WNT5A: variants seen among roughly 807,000 people sequenced by gnomAD.
WNT5A encodes protein Wnt-5a.
In WNT5A, 9 loss-of-function variants were observed where a neutral mutation model predicts 42.1. The ratio of observed to expected loss-of-function variants is 0.21; its 90% CI spans 0.13 to 0.37. WNT5A has a LOEUF of 0.37. Ranked by LOEUF, WNT5A falls within the 10% of genes least tolerant of loss-of-function variation. The probability of loss-of-function intolerance (pLI) is 1.00; values close to 1 mark genes in which losing one functional copy is unlikely to be tolerated. For synonymous variants in WNT5A, 210 were observed against 210.0 expected, an observed-to-expected ratio of 1.00 and a Z score of 0.00; for missense variants, 426 against 534.0, an observed-to-expected ratio of 0.80 and a Z score of 1.99.
rs1337903995 is a variant in WNT5A, at chr3:55,467,130, C to T, written c.*2962G>A. ...ACTGCTTTCAAAGGGCATAGAGACACCACACATGGTCCACAGTAAATTCAA... is the reference window on the plus strand; with the variant it reads ...ACTGCTTTCAAAGGGCATAGAGACATCACACATGGTCCACAGTAAATTCAA... On this transcript the variant is annotated 3_prime_UTR_variant, in exon 5 of 5. Coordinates refer to ENST00000264634, the MANE Select transcript of WNT5A (RefSeq NM_003392.7). 1 of 152,170 alleles carries T rather than the reference C, an allele frequency of 6.6e-6. No homozygotes were observed. Among genetic ancestry groups the T allele is most frequent in the Non-Finnish European group, 1.5e-5 (1 of 68,016 alleles). The allele number at this position is 152,170 out of a possible 1,614,324, so 9.4% of individuals were successfully genotyped here.
At chr3:55,482,761 T>G (rs1382739289) in intron 1 of WNT5A, among the ~76,000 whole-genome samples, 1 of 152,056 alleles carries the variant, frequency 6.6e-6, no homozygotes, top group African/African-American at 2.4e-5. Context: ...GCTCCGGCTA[T>G]CTCCCCACCC....
chr3:55,475,488 A>C (rs1260286359), intron 3 of WNT5A, among the ~76,000 whole-genome samples: 1 of 152,194 alleles, frequency 6.6e-6, no homozygotes, highest in Non-Finnish European at 1.5e-5. Flanking sequence ...GACAATTCTA[A>C]ATCAGCTCAT....
chr3:55,481,404 G>A, intron 1 of WNT5A: 6 of 985,354 alleles, frequency 6.1e-6, no homozygotes, highest in Non-Finnish European at 6.0e-6. Context: ...GGAGCGCGCT[G>A]CCGCCAGAGG....
Position 55,487,075 on chromosome 3 carries a change from G to A in WNT5A, c.-90C>T, listed in dbSNP as rs1401814343. On this transcript the variant is annotated 5_prime_UTR_variant, in exon 1 of 5. Coordinates refer to ENST00000264634, the MANE Select transcript of WNT5A (RefSeq NM_003392.7). ...CGGAGCGACCGGGTTAAGCCTGGGG[G>A]GACGGTCAGGAGCAGGGCTGCGGAG... 5 of 1,163,384 alleles carry A rather than the reference G, an allele frequency of 4.3e-6. No homozygotes were observed. Among genetic ancestry groups the A allele is most frequent in the Admixed American group, 1.9e-5 (1 of 53,336 alleles). The allele number at this position is 1,163,384 out of a possible 1,614,324, so 72.1% of individuals were successfully genotyped here. A position where few individuals can be genotyped will look rare whatever the true frequency, so the allele number is the denominator to read the frequency against.
At chr3:55,492,090 T>G (rs1167245976), upstream of WNT5A, among the ~76,000 whole-genome samples, 1 of 152,238 alleles carries the variant, frequency 6.6e-6, no homozygotes, top group East Asian at 1.9e-4. Flanking sequence ...CACTATGCCC[T>G]CCTAACTTAC....
chr3:55,496,742 T>C, the WNT5A span, among the ~76,000 whole-genome samples: 1 of 152,246 alleles, frequency 6.6e-6, no homozygotes, highest in African/African-American at 2.4e-5. Flanking sequence ...AAAATCTCTC[T>C]TTGCTATTTG....
At chr3:55,499,980 CAAA>C in the WNT5A span, among the ~76,000 whole-genome samples, 849 of 140,970 alleles carry the variant, frequency 6.0e-3, 9 homozygotes, top group African/African-American at 0.015. Flanking sequence ...ATCCCCCCTC[CAAA>C]AAAAAAAAAA....
At chr3:55,482,863 A>C (rs2051495402) in intron 1 of WNT5A, among the ~76,000 whole-genome samples, 1 of 152,172 alleles carries the variant, frequency 6.6e-6, no homozygotes, top group Admixed American at 6.5e-5. Context: ...ACTCTCCCCA[A>C]GGGCAGCCGA....
At chr3:55,479,287 A>C in intron 3 of WNT5A, 27 bp downstream of exon 3, 1 of 1,457,408 alleles carries the variant, frequency 6.9e-7, no homozygotes. Flanking sequence ...TTAATGTTTT[A>C]AAAAAATATT....
intron 2 of WNT5A, among the ~76,000 whole-genome samples, chr3:55,480,257 C>G (rs918481356): frequency 1.3e-5 from 2 of 152,162 alleles, no homozygotes; most frequent in Non-Finnish European, 2.9e-5. Flanking sequence ...GAAAGAAACC[C>G]CCACTTGGGG....
intron 4 of WNT5A, 106 bp from the exon 5 acceptor site, chr3:55,470,656 G>A: frequency 9.5e-7 from 1 of 1,058,024 alleles, no homozygotes; most frequent in Non-Finnish European, 1.3e-6. Context: ...ATGTTCCCCA[G>A]CTGAATTAAG....
upstream of WNT5A, among the ~76,000 whole-genome samples, chr3:55,493,676 C>A (rs1182114093): frequency 6.6e-6 from 1 of 152,182 alleles, no homozygotes; most frequent in Non-Finnish European, 1.5e-5. Flanking sequence ...TGTGGCCATG[C>A]CACTGCTGAG....
chr3:55,485,362 G>A (rs1452686044), intron 1 of WNT5A, among the ~76,000 whole-genome samples: 1 of 151,902 alleles, frequency 6.6e-6, no homozygotes, highest in African/African-American at 2.4e-5. Flanking sequence ...CGGAGCGCAC[G>A]GGGGAGGGGA....
rs561492708 is a variant in WNT5A at position 55,466,181 on chromosome 3, A to T, written c.*3911T>A. On this transcript the variant is annotated 3_prime_UTR_variant, in exon 5 of 5. Coordinates refer to ENST00000264634, the MANE Select transcript of WNT5A (RefSeq NM_003392.7). The stretch of plus-strand genomic sequence containing the variant: ...GAGAGAAAAGACTAGAAAATACTTT[A>T]AAAAAAATAAATATTTTAAAAGTAT... The T allele has an allele frequency of 1.2e-3, 189 of 152,184 alleles. No homozygotes were observed. The highest frequency in any genetic ancestry group is 4.3e-3 in the African/African-American group (179 of 41,532). The allele number at this position is 152,184 out of a possible 1,614,324, so 9.4% of individuals were successfully genotyped here.
upstream of WNT5A, among the ~76,000 whole-genome samples, chr3:55,494,490 G>A (rs1489350227): frequency 1.3e-5 from 2 of 152,180 alleles, no homozygotes; most frequent in Non-Finnish European, 2.9e-5. Flanking sequence ...GGTCCAAACT[G>A]GATTCAAACA....
chr3:55,478,910 C>T (rs759334271), intron 3 of WNT5A: 62 of 154,482 alleles, frequency 4.0e-4, no homozygotes, highest in Non-Finnish European at 7.7e-4. Flanking sequence ...ACTTTTAGTT[C>T]GATGCTCGGG....
Position 55,470,300 on chromosome 3 carries a change from T to C in WNT5A, c.935A>G (p.Asn312Ser), listed in dbSNP as rs1469870275. The part of the protein sequence containing the change: ...IDPSPDYCVR[N>S]ESTGSLGTQG... ...CGTGCCCAGCGAGCCGGTGCTCTCA[T>C]TGCGCACGCAGTAGTCAGGGCTGGG... Residue 312 changes from asparagine (N) to serine (S), a missense_variant, in exon 5 of 5, where the codon AAT becomes AGT. This residue lies in a region of WNT5A where 358 missense variants were observed against 468.1 expected (regional missense o/e 0.76). Transcript: ENST00000264634. 8 of 1,613,944 alleles carry C rather than the reference T, an allele frequency of 5.0e-6. No individual in the cohort carries two copies. Among genetic ancestry groups the C allele is most frequent in the Non-Finnish European group, 6.8e-6 (8 of 1,179,918 alleles).
At chr3:55,495,344 C>T (rs946376983), upstream of WNT5A, among the ~76,000 whole-genome samples, 6 of 152,162 alleles carry the variant, frequency 3.9e-5, no homozygotes, top group East Asian at 1.9e-4. Context: ...CCTTAGACCT[C>T]GTCCCTCTCC....
In WNT5A at chr3:55,475,890, A is replaced by C. The variant is rs548148605; in HGVS notation, c.392-1261T>G. 2.6e-5 allele frequency among the ~76,000 whole-genome samples: 4 copies of C among 152,126 alleles called. No individual in the cohort carries two copies. In the East Asian group the frequency reaches 7.7e-4, roughly 29 times the overall value. On this transcript the variant is annotated intron_variant, in intron 3 of 4. Coordinates refer to ENST00000264634, the MANE Select transcript of WNT5A (RefSeq NM_003392.7). ...GTTAATAAAAGTACTGTAATCTGAG[A>C]GAGAAAGGGTTATCATCCAGCCAGC...
Sources: allele counts gnomAD v4.1 joint callset (sites outside exome capture counted in the v4.1 genomes callset), GRCh38; gene constraint gnomAD v4.1.1; regional missense constraint gnomAD v4.1.1; transcripts MANE v1.5; gene names NCBI Gene and HGNC (gene_info 2026-07-23, HGNC 2026-07-21).